The following SMYD3 variants were observed in gnomAD, a reference collection of about 807,000 sequenced individuals.
SMYD3 encodes histone-lysine N-methyltransferase SMYD3.
SMYD3 carries 36 observed loss-of-function variants against 57.7 expected under a neutral mutation model. That is an observed-to-expected ratio of 0.62 (90% confidence interval 0.48 to 0.82). The LOEUF is 0.82. Among genes scored for constraint, SMYD3 ranks in the 40% least tolerant of loss-of-function variants. SMYD3 has a pLI of 0.00. For missense variants in SMYD3, 515 were observed against 538.8 expected, an observed-to-expected ratio of 0.96 and a Z score of 0.44; for synonymous variants, 211 against 195.0, an observed-to-expected ratio of 1.08 and a Z score of -0.68.
In SMYD3 at chr1:245,869,095, GA is replaced by G. The variant is rs766866264; in HGVS notation, c.814-5210del. Among the ~76,000 whole-genome samples, 107 of 148,850 alleles carry G rather than the reference GA, an allele frequency of 7.2e-4. 1 individual carries two copies. The highest frequency in any genetic ancestry group is 2.4e-3 in the African/African-American group (99 of 40,614). On this transcript the variant is annotated intron_variant, in intron 8 of 11. Coordinates refer to ENST00000490107, the MANE Select transcript of SMYD3 (RefSeq NM_001167740.2). The stretch of plus-strand genomic sequence containing the variant: ...TATAATTCAGGACAAAGTTATTCAG[GA>G]AAAAAAAAATCTCTTTGAATTTTAC...
At chr1:246,006,031 G>A (rs940967259) in intron 5 of SMYD3, among the ~76,000 whole-genome samples, 1 of 38,548 alleles carries the variant, frequency 2.6e-5, no homozygotes, top group African/African-American at 4.9e-5. Flanking sequence ...TATTGAAAGG[G>A]GAGAAAAGGC....
chr1:246,238,697 C>G (rs1367838217), intron 5 of SMYD3, among the ~76,000 whole-genome samples: 1 of 152,094 alleles, frequency 6.6e-6, no homozygotes, highest in Non-Finnish European at 1.5e-5. Context: ...CTCAGATTAT[C>G]TTCTTTCTTG....
intron 1 of SMYD3, among the ~76,000 whole-genome samples, chr1:246,386,019 G>A (rs552848468): frequency 6.6e-6 from 1 of 152,028 alleles, no homozygotes; most frequent in Non-Finnish European, 1.5e-5. Flanking sequence ...CTCCCAAGTA[G>A]CTGGGACTAC....
intron 5 of SMYD3, among the ~76,000 whole-genome samples, chr1:245,967,121 G>A (rs56733002): frequency 0.16 from 24,450 of 151,926 alleles, 3,019 homozygotes; most frequent in African/African-American, 0.34. Context: ...GCCATTCTAT[G>A]GTGATGGATG....
intron 10 of SMYD3, among the ~76,000 whole-genome samples, chr1:245,774,817 C>T (rs1274764471): frequency 1.3e-5 from 2 of 152,110 alleles, no homozygotes; most frequent in Admixed American, 1.3e-4. Context: ...TCTCCTGCCT[C>T]AGCCTGCCGA....
chr1:246,002,002 T>C (rs955717055), intron 5 of SMYD3, among the ~76,000 whole-genome samples: 1 of 152,194 alleles, frequency 6.6e-6, no homozygotes, highest in Admixed American at 6.5e-5. Context: ...CTTTGTATAC[T>C]TTCCACATCC....
At chr1:246,092,467 G>A (rs886288005) in intron 5 of SMYD3, among the ~76,000 whole-genome samples, 2 of 152,128 alleles carry the variant, frequency 1.3e-5, no homozygotes, top group Non-Finnish European at 1.5e-5. Context: ...GCACATTTAC[G>A]GTCAACCCAT....
chr1:246,095,235 G>A (rs138206905), intron 5 of SMYD3, among the ~76,000 whole-genome samples: 16 of 152,246 alleles, frequency 1.1e-4, no homozygotes, highest in East Asian at 1.9e-4. Context: ...AAAACAATTC[G>A]AAACAGGAGT....
intron 5 of SMYD3, among the ~76,000 whole-genome samples, chr1:246,006,870 G>GC (rs1229894373): frequency 6.6e-6 from 1 of 152,204 alleles, no homozygotes; most frequent in East Asian, 1.9e-4. Flanking sequence ...GGAGCCTGGA[G>GC]CCTCTAAAAC....
At chr1:245,987,189 A>T (rs7514246) in intron 5 of SMYD3, among the ~76,000 whole-genome samples, 2 of 152,240 alleles carry the variant, frequency 1.3e-5, no homozygotes, top group Non-Finnish European at 2.9e-5. Flanking sequence ...TTCTTGAAGA[A>T]TCCAGATGTT....
chr1:246,204,360 T>C (rs1448951971), intron 5 of SMYD3, among the ~76,000 whole-genome samples: 1 of 152,198 alleles, frequency 6.6e-6, no homozygotes, highest in East Asian at 1.9e-4. Context: ...AGCCCCCATA[T>C]CTTACCTGCC....
chr1:245,979,806 G>A (rs2058552764), intron 5 of SMYD3, among the ~76,000 whole-genome samples: 1 of 152,168 alleles, frequency 6.6e-6, no homozygotes, highest in Admixed American at 6.5e-5. Context: ...CAGCTAGATG[G>A]TCTCTAATTC....
rs560749689 is a variant in SMYD3, at chr1:246,248,631, CTTTCCTTT to C, written c.531+78562_531+78569del. On this transcript the variant is annotated intron_variant, in intron 5 of 11. Coordinates refer to ENST00000490107, the MANE Select transcript of SMYD3 (RefSeq NM_001167740.2). ...GGCCAGTTATGCAAAAGCTCTCTGA[CTTTCCTTT>C]TTTTTTTTTTTTTTTTTTTTGAGAT... Among the ~76,000 whole-genome samples, 158 of 119,270 alleles carry C rather than the reference CTTTCCTTT, an allele frequency of 1.3e-3. 11 individuals are homozygous for C. In the South Asian group the frequency reaches 0.016, roughly 12 times the overall value. The allele number at this position is 119,270 out of a possible 152,430, so 78.2% of individuals were successfully genotyped here. A position where few individuals can be genotyped will look rare whatever the true frequency, so the allele number is the denominator to read the frequency against.
At chr1:246,485,925 C>T (rs1356741714) in intron 1 of SMYD3, among the ~76,000 whole-genome samples, 1 of 152,176 alleles carries the variant, frequency 6.6e-6, no homozygotes, top group East Asian at 1.9e-4. Flanking sequence ...TAAAGAGAGA[C>T]CTCAGAAGAT....
Position 246,495,966 on chromosome 1 carries a change from A to AAATAAT in SMYD3, c.164+11082_164+11087dup, listed in dbSNP as rs36118885. On this transcript the variant is annotated intron_variant, in intron 1 of 11. Transcript: ENST00000490107. ...GGTGACAGTGAGACTTCACCTCAAA[A>AAATAAT]AATAATAATAATAATAATAATATTC... Among the ~76,000 whole-genome samples the AAATAAT allele has an allele frequency of 1.5e-3, 227 of 148,836 alleles. 2 individuals are homozygous for AAATAAT. The East Asian group carries it at 0.021, about 14-fold the overall frequency.
intron 5 of SMYD3, among the ~76,000 whole-genome samples, chr1:246,072,564 G>T (rs2060476693): frequency 6.6e-6 from 1 of 152,204 alleles, no homozygotes; most frequent in Non-Finnish European, 1.5e-5. Context: ...TTCACAAGGG[G>T]TAGACTTGTA....
At chr1:245,952,537 G>A (rs906079140) in intron 5 of SMYD3, among the ~76,000 whole-genome samples, 2 of 152,168 alleles carry the variant, frequency 1.3e-5, no homozygotes, top group African/African-American at 4.8e-5. Context: ...AGAAGCAAAT[G>A]AGTGAAGAGG....
Position 245,926,832 on chromosome 1 carries a change from T to C in SMYD3, c.702+1099A>G, listed in dbSNP as rs565652324. Among the ~76,000 whole-genome samples, 524 of 152,310 alleles carry C rather than the reference T, an allele frequency of 3.4e-3. 1 individual carries two copies. The highest frequency in any genetic ancestry group is 0.012 in the African/African-American group (492 of 41,576). On this transcript the variant is annotated intron_variant, in intron 7 of 11. Transcript: ENST00000490107. ...TGAAAATAGATAGCGGTTTCATCTC[T>C]TACCTGCCTTGAAGTCCTTTGCGGC...
At chr1:245,846,609 C>A (rs2050677702) in intron 10 of SMYD3, among the ~76,000 whole-genome samples, 1 of 152,230 alleles carries the variant, frequency 6.6e-6, no homozygotes, top group African/African-American at 2.4e-5. Flanking sequence ...GCTTCTGCCA[C>A]AGAGGACAAG....
Sources: allele counts gnomAD v4.1 joint callset (sites outside exome capture counted in the v4.1 genomes callset), GRCh38; gene constraint gnomAD v4.1.1; transcripts MANE v1.5; gene names NCBI Gene and HGNC (gene_info 2026-07-23, HGNC 2026-07-21).